RIMS2: variants seen among roughly 807,000 people sequenced by gnomAD.
RIMS2 encodes the protein regulating synaptic membrane exocytosis 2.
Under a neutral mutation model 174.4 loss-of-function variants are expected in RIMS2, and 59 were observed. The ratio of observed to expected loss-of-function variants is 0.34; its 90% CI spans 0.27 to 0.42. The LOEUF (loss-of-function observed/expected upper bound fraction) is 0.42. Among genes scored for constraint, RIMS2 ranks in the 10% least tolerant of loss-of-function variants. The probability of loss-of-function intolerance (pLI) is 1.00; values close to 1 mark genes in which losing one functional copy is unlikely to be tolerated. For synonymous variants in RIMS2, 606 were observed against 572.5 expected (o/e 1.06, Z -0.84); for missense variants, 1,620 against 1,666.3 (o/e 0.97, Z 0.48).
intron 4 of RIMS2, chr8:103,910,092 T>G (rs1038140777): frequency 4.7e-6 from 6 of 1,266,916 alleles, no homozygotes; most frequent in Non-Finnish European, 6.8e-6. Context: ...GTCCCTTTTT[T>G]CACCATCTCC....
intron 1 of RIMS2, among the ~76,000 whole-genome samples, chr8:103,589,370 A>T (rs368613504): frequency 2.0e-4 from 30 of 151,834 alleles, no homozygotes; most frequent in African/African-American, 6.5e-4. Flanking sequence ...AATGAAAACT[A>T]TAGTGAGATA....
chr8:104,240,180 G>C (rs1267870804), intron 19 of RIMS2, among the ~76,000 whole-genome samples: 1 of 152,190 alleles, frequency 6.6e-6, no homozygotes, highest in Admixed American at 6.5e-5. Flanking sequence ...CGCCCATTCA[G>C]ATAAGCACCC....
At chr8:103,938,655 A>G (rs906429941) in intron 13 of RIMS2, among the ~76,000 whole-genome samples, 1 of 152,184 alleles carries the variant, frequency 6.6e-6, no homozygotes, top group East Asian at 1.9e-4. Flanking sequence ...ATTAACTCAA[A>G]AGTCCAGAGT....
At chr8:104,158,225 ACTCGTCCTTTTTTATGG>A (rs1043409640) in intron 19 of RIMS2, among the ~76,000 whole-genome samples, 3 of 152,152 alleles carry the variant, frequency 2.0e-5, no homozygotes, top group African/African-American at 7.2e-5. Context: ...AAGGACATGA[ACTCGTCCTTTTTTATGG>A]CTGCATAGTA....
intron 19 of RIMS2, among the ~76,000 whole-genome samples, chr8:104,114,664 A>G (rs1261962871): frequency 1.3e-5 from 2 of 151,946 alleles, no homozygotes; most frequent in Non-Finnish European, 2.9e-5. Flanking sequence ...GATTCTAGGA[A>G]CTACATCACT....
chr8:103,581,180 C>T (rs779526204), intron 1 of RIMS2, among the ~76,000 whole-genome samples: 1 of 152,016 alleles, frequency 6.6e-6, no homozygotes, highest in Non-Finnish European at 1.5e-5. Context: ...CAGAACTAGA[C>T]AAGGACACAA....
At chr8:104,189,582 TTA>T (rs34057466) in intron 19 of RIMS2, among the ~76,000 whole-genome samples, 6,708 of 145,180 alleles carry the variant, frequency 0.046, 217 homozygotes, top group African/African-American at 0.091. Flanking sequence ...AATATATACA[TTA>T]TATATATATA....
chr8:103,925,953 T>C (rs2078691189), intron 10 of RIMS2, among the ~76,000 whole-genome samples: 1 of 151,596 alleles, frequency 6.6e-6, no homozygotes, highest in Non-Finnish European at 1.5e-5. Context: ...AAAATATATT[T>C]TTATAGCCAT....
chr8:104,239,023 A>G lies in RIMS2; in HGVS notation c.3335-5893A>G, dbSNP rs78608895. Among the ~76,000 whole-genome samples, 1,156 of 152,304 alleles carry G rather than the reference A, an allele frequency of 7.6e-3. 11 individuals carry two copies. Among genetic ancestry groups the G allele is most frequent in the African/African-American group, 0.024 (1,017 of 41,560 alleles). ...CTGAATCCAAAGTAAGTCTGTCTGC[A>G]GTAGATGAGACCTTGCAGGTGGGAG... is the stretch of plus-strand genomic sequence containing the variant. On this transcript the variant is annotated intron_variant, in intron 19 of 23. Coordinates refer to ENST00000504942, the Ensembl canonical transcript of RIMS2.
At chr8:103,734,350 T>A (rs1426289) in intron 2 of RIMS2, among the ~76,000 whole-genome samples, 1 of 149,568 alleles carries the variant, frequency 6.7e-6, no homozygotes, top group Non-Finnish European at 1.5e-5. Flanking sequence ...TTTCTTTTAG[T>A]GCAGGTTTAC....
chr8:103,690,413 T>C (rs1289411981), intron 1 of RIMS2, among the ~76,000 whole-genome samples: 1 of 152,192 alleles, frequency 6.6e-6, no homozygotes, highest in Non-Finnish European at 1.5e-5. Flanking sequence ...GGTCAGTTTC[T>C]CCTGTGGTGT....
intron 2 of RIMS2, among the ~76,000 whole-genome samples, chr8:103,723,111 CCAAA>C (rs769801758): frequency 6.6e-5 from 10 of 152,204 alleles, no homozygotes; most frequent in African/African-American, 1.2e-4. Flanking sequence ...GACCCTGTCT[CCAAA>C]CAAACAAACA....
chr8:103,500,869 G>A lies in RIMS2; in HGVS notation c.-18G>A, dbSNP rs1225564085. 3 of 1,567,334 alleles carry A rather than the reference G, an allele frequency of 1.9e-6. No homozygotes were observed. The highest frequency in any genetic ancestry group is 2.3e-4 in the Middle Eastern group (1 of 4,266). On this transcript the variant is annotated 5_prime_UTR_variant, in exon 1 of 24. The change creates a premature stop within an existing upstream ORF in the 5' untranslated region. Coordinates refer to ENST00000504942, the Ensembl canonical transcript of RIMS2. Reference sequence around the variant, plus strand: ...AGTTGCCTCCCCGCTTCCCTAGGGTGGTTCGGCTCCACCAAACATGTCGGC... The same window carrying A: ...AGTTGCCTCCCCGCTTCCCTAGGGTAGTTCGGCTCCACCAAACATGTCGGC...
chr8:103,828,128 A>C (rs573178908), intron 3 of RIMS2, among the ~76,000 whole-genome samples: 10 of 152,124 alleles, frequency 6.6e-5, no homozygotes, highest in South Asian at 2.1e-4. Flanking sequence ...TTTTGCATCT[A>C]TGTTCATGAG....
chr8:103,860,359 T>A (rs2099051832), intron 3 of RIMS2, among the ~76,000 whole-genome samples: 1 of 152,170 alleles, frequency 6.6e-6, no homozygotes, highest in Non-Finnish European at 1.5e-5. Flanking sequence ...CAAATGATAT[T>A]GTAATAGAAC....
exon 21 of RIMS2, chr8:104,248,770 T>C (rs1276072463): frequency 6.2e-7 from 1 of 1,612,902 alleles, no homozygotes; most frequent in Non-Finnish European, 8.5e-7. Context: ...GCCTTGGCCC[T>C]GCTCAGCTAG....
chr8:103,960,109 A>T (rs1249199368), intron 14 of RIMS2, among the ~76,000 whole-genome samples: 1 of 152,206 alleles, frequency 6.6e-6, no homozygotes, highest in African/African-American at 2.4e-5. Flanking sequence ...GACCGCTAGC[A>T]AGACTAATAA....
chr8:103,638,568 C>T (rs1285747998), intron 1 of RIMS2, among the ~76,000 whole-genome samples: 1 of 151,960 alleles, frequency 6.6e-6, no homozygotes, highest in Non-Finnish European at 1.5e-5. Context: ...TCAAATAGTT[C>T]CAGCTTTGGC....
At chr8:103,502,079 T>C (rs1820453394) in intron 1 of RIMS2, among the ~76,000 whole-genome samples, 1 of 152,238 alleles carries the variant, frequency 6.6e-6, no homozygotes, top group Non-Finnish European at 1.5e-5. Flanking sequence ...TTTTTATGTT[T>C]TTCCAGCTTG....
Sources: gnomAD v4.1 joint callset for allele counts (sites outside exome capture counted in the v4.1 genomes callset) on GRCh38, gnomAD v4.1.1 for gene constraint, MANE v1.5 for transcripts, NCBI Gene and HGNC (gene_info 2026-07-23, HGNC 2026-07-21) for gene names.